Variants in YTHDF3 observed in about 807,000 individuals in gnomAD.
YTHDF3 encodes YTH N6-methyladenosine RNA binding protein F3.
A neutral mutation model predicts 52.5 loss-of-function variants in YTHDF3; 9 were observed. That is an observed-to-expected ratio of 0.17 (90% CI 0.10 to 0.30). The LOEUF (loss-of-function observed/expected upper bound fraction) is 0.30. YTHDF3 is among the 10% of genes least tolerant of loss of function. The pLI is 1.00. For missense variants in YTHDF3, 534 were observed against 715.0 expected, an observed-to-expected ratio of 0.75 and a Z score of 2.89; for synonymous variants, 274 against 243.3, an observed-to-expected ratio of 1.13 and a Z score of -1.18.
In YTHDF3 at chr8:63,209,892, A is replaced by G. The variant is rs555973825; in HGVS notation, c.*186A>G. On this transcript the variant is annotated 3_prime_UTR_variant, in exon 5 of 5. Transcript: ENST00000539294. ...GCATCTGCCCTTATACTCTTCACCA[A>G]ACACACTTGAGAACTGTAACTTCGT... The G allele has an allele frequency of 2.8e-5, 15 of 538,566 alleles. No individual in the cohort carries two copies. Among genetic ancestry groups the G allele is most frequent in the East Asian group, 9.5e-5 (3 of 31,740 alleles). 33.4% of individuals were successfully genotyped at this position (538,566 alleles called of 1,614,324 possible). A position where few individuals can be genotyped will look rare whatever the true frequency, so the allele number is the denominator to read the frequency against.
intron 2 of YTHDF3, among the ~76,000 whole-genome samples, chr8:63,173,222 ATTTT>A (rs1386739938): frequency 6.7e-5 from 10 of 148,844 alleles, no homozygotes; most frequent in African/African-American, 2.5e-4. Context: ...ATACAGATAA[ATTTT>A]AAGTAAGTAC....
intron 3 of YTHDF3, among the ~76,000 whole-genome samples, chr8:63,183,408 A>C (rs16930241): frequency 6.6e-6 from 1 of 152,068 alleles, no homozygotes; most frequent in Non-Finnish European, 1.5e-5. Context: ...TAGATACTTC[A>C]GTGATCAAAT....
intron 4 of YTHDF3, among the ~76,000 whole-genome samples, chr8:63,196,935 A>C (rs1328929361): frequency 3.3e-5 from 5 of 152,162 alleles, no homozygotes; most frequent in Admixed American, 6.5e-5. Context: ...ACTAGAACAA[A>C]TATCTCTCAG....
At chr8:63,183,023 C>T (rs111432135) in intron 3 of YTHDF3, among the ~76,000 whole-genome samples, 2 of 146,944 alleles carry the variant, frequency 1.4e-5, no homozygotes, top group East Asian at 2.0e-4. Context: ...GTGGTGGCAT[C>T]GCAGCTCACT....
intron 2 of YTHDF3, 75 bp downstream of exon 2, chr8:63,169,486 T>C: frequency 6.8e-7 from 1 of 1,477,088 alleles, no homozygotes; most frequent in Non-Finnish European, 9.2e-7. Flanking sequence ...GAGGGTATTT[T>C]GTTTGTTTTT....
intron 3 of YTHDF3, 110 bp downstream of exon 3, chr8:63,175,526 C>A (rs889477816): frequency 1.2e-6 from 1 of 857,400 alleles, no homozygotes; most frequent in African/African-American, 1.7e-5. Flanking sequence ...ATTCATTCAT[C>A]TAGTGTACCT....
At chr8:63,169,014 C>T in intron 1 of YTHDF3, 113 bp downstream of exon 1, 1 of 1,475,220 alleles carries the variant, frequency 6.8e-7, no homozygotes, top group Admixed American at 2.8e-5. Flanking sequence ...TAACGGTGCC[C>T]CGGGCGCAAG....
At chr8:63,192,110 C>G (rs1413909703) in intron 4 of YTHDF3, among the ~76,000 whole-genome samples, 1 of 152,164 alleles carries the variant, frequency 6.6e-6, no homozygotes, top group Non-Finnish European at 1.5e-5. Flanking sequence ...TCGTCATCCC[C>G]CAAACCCTCC....
chr8:63,203,726 C>G (rs1323331227), intron 4 of YTHDF3, among the ~76,000 whole-genome samples: 1 of 152,184 alleles, frequency 6.6e-6, no homozygotes, highest in Non-Finnish European at 1.5e-5. Context: ...TGTCTCCTTA[C>G]TCTCTAAGCT....
chr8:63,203,242 CAA>C (rs372725205), intron 4 of YTHDF3, among the ~76,000 whole-genome samples: 4 of 128,834 alleles, frequency 3.1e-5, no homozygotes, highest in Non-Finnish European at 1.8e-5. Context: ...AACTCTGTCT[CAA>C]AAAAAAAAAA....
At chr8:63,198,515 C>T (rs2150390714) in intron 4 of YTHDF3, among the ~76,000 whole-genome samples, 1 of 152,310 alleles carries the variant, frequency 6.6e-6, no homozygotes, top group African/African-American at 2.4e-5. Flanking sequence ...CATCTGCCCA[C>T]CTCTGCCTTC....
chr8:63,204,181 T>C (rs1402786870), intron 4 of YTHDF3, among the ~76,000 whole-genome samples: 4 of 152,104 alleles, frequency 2.6e-5, no homozygotes, highest in Admixed American at 6.6e-5. Flanking sequence ...ATCTATCCTC[T>C]CATTTTTTTT....
chr8:63,181,473 G>T (rs1245012115), intron 3 of YTHDF3, among the ~76,000 whole-genome samples: 1 of 152,098 alleles, frequency 6.6e-6, no homozygotes, highest in Non-Finnish European at 1.5e-5. Context: ...TGGCAAAATA[G>T]AACTTACCAT....
chr8:63,183,090 A>G (rs576729506), intron 3 of YTHDF3, among the ~76,000 whole-genome samples: 3 of 151,850 alleles, frequency 2.0e-5, no homozygotes, highest in Non-Finnish European at 4.4e-5. Context: ...CCTCCCGAGT[A>G]GCTGGGATTA....
chr8:63,199,152 A>T (rs1383431132), intron 4 of YTHDF3, among the ~76,000 whole-genome samples: 1 of 152,130 alleles, frequency 6.6e-6, no homozygotes, highest in South Asian at 2.1e-4. Flanking sequence ...TTTTTCTCAG[A>T]TTATTAATAG....
At chr8:63,173,703 T>C in intron 2 of YTHDF3, 1 of 985,188 alleles carries the variant, frequency 1.0e-6, no homozygotes, top group Non-Finnish European at 1.2e-6. Context: ...TCTCTTGGAC[T>C]GAAATGAATA....
At chr8:63,169,710 T>A (rs1198506562) in intron 2 of YTHDF3, among the ~76,000 whole-genome samples, 1 of 152,262 alleles carries the variant, frequency 6.6e-6, no homozygotes, top group Non-Finnish European at 1.5e-5. Flanking sequence ...TTATGTAACT[T>A]ATGCCACAAA....
chr8:63,194,234 AGCATTTCGG>A (rs1023829028), intron 4 of YTHDF3, among the ~76,000 whole-genome samples: 4 of 152,258 alleles, frequency 2.6e-5, no homozygotes, highest in African/African-American at 9.6e-5. Flanking sequence ...CTGCAATCCC[AGCATTTCGG>A]GAGGCCGATG....
Position 63,175,428 on chromosome 8 carries a change from G to T in YTHDF3, c.135+12G>T. 1.3e-6 allele frequency: 2 copies of T among 1,596,448 alleles called. No homozygotes were observed. The highest frequency in any genetic ancestry group is 2.2e-5 in the South Asian group (2 of 89,304). On this transcript the variant is annotated intron_variant, in intron 3 of 4. Transcript: ENST00000539294. ...GCCAGACAAATCAGGTAAGTCTTCT[G>T]ACAGTTTCAGATTTTAGGAAATTAA... is the stretch of plus-strand genomic sequence containing the variant.
Sources: allele counts gnomAD v4.1 joint callset (sites outside exome capture counted in the v4.1 genomes callset), GRCh38; gene constraint gnomAD v4.1.1; transcripts MANE v1.5; gene names NCBI Gene and HGNC (gene_info 2026-07-23, HGNC 2026-07-21).